Variants in PRKAA2 observed in about 807,000 individuals in gnomAD.
The protein encoded by PRKAA2 is 5'-AMP-activated protein kinase catalytic subunit alpha-2.
Under a neutral mutation model 56.3 loss-of-function variants are expected in PRKAA2, and 40 were observed. That is an observed-to-expected ratio of 0.71 (90% confidence interval 0.55 to 0.92). PRKAA2 has a LOEUF of 0.92. PRKAA2 is among the 40% of genes least tolerant of loss of function. PRKAA2 has a pLI of 0.00. For synonymous variants in PRKAA2, 214 were observed against 234.2 expected (o/e 0.91, Z 0.79); for missense variants, 542 against 686.9 (o/e 0.79, Z 2.36).
At chr1:56,700,924 C>T (rs373736534) in intron 6 of PRKAA2, among the ~76,000 whole-genome samples, 109 of 152,186 alleles carry the variant, frequency 7.2e-4, no homozygotes, top group Middle Eastern at 3.4e-3. Context: ...CAAAGGGAAG[C>T]GGACTTAGGG....
chr1:56,696,622 G>C (rs1028202001), intron 6 of PRKAA2, among the ~76,000 whole-genome samples: 1 of 152,006 alleles, frequency 6.6e-6, no homozygotes, highest in Non-Finnish European at 1.5e-5. Flanking sequence ...CTGGAAAGAT[G>C]GTATGCTTAG....
intron 1 of PRKAA2, among the ~76,000 whole-genome samples, chr1:56,671,268 C>T (rs1434789974): frequency 1.3e-5 from 2 of 152,142 alleles, no homozygotes; most frequent in African/African-American, 4.8e-5. Context: ...GCAAAAAAGG[C>T]TAAATCCCCA....
At chr1:56,647,697 C>T (rs1375726946) in intron 1 of PRKAA2, among the ~76,000 whole-genome samples, 1 of 148,434 alleles carries the variant, frequency 6.7e-6, no homozygotes, top group African/African-American at 2.5e-5. Flanking sequence ...CTTCAAGGGA[C>T]AAGCGAAACA....
intron 2 of PRKAA2, among the ~76,000 whole-genome samples, chr1:56,680,691 T>C (rs2100412016): frequency 6.6e-6 from 1 of 152,326 alleles, no homozygotes; most frequent in Non-Finnish European, 1.5e-5. Flanking sequence ...CATGAACTCA[T>C]CCTTTTTTAT....
rs560329292 is a variant in PRKAA2 at position 56,692,075 on chromosome 1, C to T, written c.331-283C>T. 3.4e-5 allele frequency among the ~76,000 whole-genome samples: 5 copies of T among 148,410 alleles called. No individual in the cohort carries two copies. The South Asian group carries it at 1.1e-3, about 32-fold the overall frequency. On this transcript the variant is annotated intron_variant, in intron 3 of 8. Transcript: ENST00000371244. ...TGAGACAGACTCTTGCTCTGTTGCC[C>T]AGGCTGGAGCGCAGTGGCATGATCT...
At chr1:56,667,159 A>G (rs1644042035) in intron 1 of PRKAA2, among the ~76,000 whole-genome samples, 1 of 152,216 alleles carries the variant, frequency 6.6e-6, no homozygotes, top group African/African-American at 2.4e-5. Context: ...AGAAAATAAG[A>G]TAGTGGAGCT....
At position 56,697,012 on chromosome 1, in the gene PRKAA2, AT is replaced by A. The variant is rs752842791; in HGVS notation, c.788+868del. ...CCTTTTCATCATTAGCCAGCAAAGAATTTTTTTTTTTTTTTAAGGCAGGGTC... is the reference window on the plus strand; with the variant it reads ...CCTTTTCATCATTAGCCAGCAAAGAATTTTTTTTTTTTTTAAGGCAGGGTC... On this transcript the variant is annotated intron_variant, in intron 6 of 8. Transcript: ENST00000371244. Among the ~76,000 whole-genome samples, 14 of 57,880 alleles carry A rather than the reference AT, an allele frequency of 2.4e-4. 1 individual carries two copies. Among genetic ancestry groups the A allele is most frequent in the African/African-American group, 4.0e-4 (6 of 14,834 alleles). The allele number at this position is 57,880 out of a possible 152,430, so 38.0% of individuals were successfully genotyped here. A position where few individuals can be genotyped will look rare whatever the true frequency, so the allele number is the denominator to read the frequency against.
chr1:56,685,273 A>T (rs1342238563), intron 2 of PRKAA2, among the ~76,000 whole-genome samples: 1 of 152,136 alleles, frequency 6.6e-6, no homozygotes, highest in African/African-American at 2.4e-5. Context: ...TTACACCTGA[A>T]ACAGTGACAG....
chr1:56,690,378 C>G (rs942311451), intron 2 of PRKAA2, among the ~76,000 whole-genome samples: 6 of 152,086 alleles, frequency 3.9e-5, no homozygotes, highest in African/African-American at 1.4e-4. Flanking sequence ...TTTGGTTTAG[C>G]CAGGATGGTC....
At chr1:56,677,665 T>G (rs1644123030) in intron 2 of PRKAA2, among the ~76,000 whole-genome samples, 6 of 151,690 alleles carry the variant, frequency 4.0e-5, no homozygotes, top group Admixed American at 3.3e-4. Context: ...TTCCTTTTTT[T>G]TTTTTTTTTT....
chr1:56,661,866 G>A (rs1482721966), intron 1 of PRKAA2, among the ~76,000 whole-genome samples: 1 of 145,352 alleles, frequency 6.9e-6, no homozygotes, highest in Admixed American at 7.0e-5. Context: ...TACTGTAACA[G>A]GTACCTGCTA....
At chr1:56,652,076 G>C (rs1488344866) in intron 1 of PRKAA2, among the ~76,000 whole-genome samples, 1 of 146,934 alleles carries the variant, frequency 6.8e-6, no homozygotes, top group Non-Finnish European at 1.5e-5. Context: ...GCAGTGGCGC[G>C]ATCTCGGCTC....
intron 8 of PRKAA2, 95 bp downstream of exon 8, chr1:56,706,313 G>T: frequency 7.1e-7 from 1 of 1,416,048 alleles, no homozygotes; most frequent in Non-Finnish European, 9.5e-7. Flanking sequence ...CGGTGGGTAG[G>T]TCCTGCACTG....
chr1:56,660,698 C>A (rs558364114), intron 1 of PRKAA2, among the ~76,000 whole-genome samples: 1 of 152,078 alleles, frequency 6.6e-6, no homozygotes. Flanking sequence ...TGAGCTTGGG[C>A]GTTAGAGGCA....
At chr1:56,650,780 C>T (rs1283519032) in intron 1 of PRKAA2, among the ~76,000 whole-genome samples, 5 of 152,130 alleles carry the variant, frequency 3.3e-5, no homozygotes, top group Admixed American at 3.3e-4. Flanking sequence ...AGAAGTTACC[C>T]TTTCCATTTT....
chr1:56,648,185 C>T (rs994085077), intron 1 of PRKAA2, among the ~76,000 whole-genome samples: 2 of 152,094 alleles, frequency 1.3e-5, no homozygotes, highest in Admixed American at 6.5e-5. Flanking sequence ...TTGAGGACAC[C>T]ACAGTAAGAT....
intron 1 of PRKAA2, among the ~76,000 whole-genome samples, chr1:56,662,773 A>G (rs1476099063): frequency 6.6e-6 from 1 of 152,036 alleles, no homozygotes; most frequent in Non-Finnish European, 1.5e-5. Flanking sequence ...TTTTTTTTTA[A>G]TATTAGGAAA....
At position 56,674,496 on chromosome 1, in the gene PRKAA2, CTT is replaced by C; in HGVS notation, c.212_213del (p.Phe71SerfsTer29). 1 of 1,543,862 alleles carries C rather than the reference CTT, an allele frequency of 6.5e-7. No homozygotes were observed. The highest frequency in any genetic ancestry group is 8.8e-7 in the Non-Finnish European group (1 of 1,137,580). ...AACGAGAAATTCAAAATCTAAAACT[CTT>C]TCGTCATCCTCATATTATCAAACTG... ...IKREIQNLKL[F>X]RHPHIIKLYQ... is the part of the protein sequence containing the mutation. On this transcript the variant is annotated frameshift_variant, in exon 2 of 9. Transcript: ENST00000371244. LOFTEE classifies it high-confidence loss of function.
chr1:56,655,280 A>ATATTTTTT, intron 1 of PRKAA2, among the ~76,000 whole-genome samples: 5 of 93,680 alleles, frequency 5.3e-5, no homozygotes, highest in East Asian at 4.6e-4. Flanking sequence ...ATATATATAT[A>ATATTTTTT]TTTTTTTTTT....
Sources: gnomAD v4.1 joint callset for allele counts (sites outside exome capture counted in the v4.1 genomes callset) on GRCh38, gnomAD v4.1.1 for gene constraint, MANE v1.5 for transcripts, NCBI Gene and HGNC (gene_info 2026-07-23, HGNC 2026-07-21) for gene names.